Variants in BRPF3 observed in about 807,000 individuals in gnomAD.
BRPF3 encodes the protein bromodomain and PHD finger-containing protein 3.
In BRPF3, 18 loss-of-function variants were observed where a neutral mutation model predicts 102.0. The observed-to-expected ratio is 0.18, with a 90% CI of 0.12 to 0.26. The LOEUF is 0.26. BRPF3 is among the 10% of genes least tolerant of loss of function. BRPF3 has a pLI of 1.00. For missense variants in BRPF3, 1,147 were observed against 1,567.8 expected, an observed-to-expected ratio of 0.73 and a Z score of 4.53; for synonymous variants, 570 against 614.2, an observed-to-expected ratio of 0.93 and a Z score of 1.06.
In BRPF3 at chr6:36,225,274, C is replaced by G; in HGVS notation, c.3189C>G (p.Ser1063Arg). Residue 1063 changes from serine (S) to arginine (R), a missense_variant, in exon 11 of 13, where the codon AGC becomes AGG. Ser to Arg is a moderately radical substitution (Grantham distance 110, BLOSUM62 -1). This residue lies in a region of BRPF3 where 379 missense variants were observed against 426.3 expected (regional missense o/e 0.89). Transcript: ENST00000357641. ...GDSDYNGSGRSLLLPFEDRGD... is the reference protein window; with the variant it reads ...GDSDYNGSGRRLLLPFEDRGD... Reference sequence around the variant, plus strand: ...CCCCTCCCCCACCCCCAGGCAGAAGCCTCCTGCTGCCCTTTGAAGACCGCG... The same window carrying G: ...CCCCTCCCCCACCCCCAGGCAGAAGGCTCCTGCTGCCCTTTGAAGACCGCG... The G allele has an allele frequency of 6.2e-7, 1 of 1,607,754 alleles. No individual in the cohort carries two copies. The highest frequency in any genetic ancestry group is 8.5e-7 in the Non-Finnish European group (1 of 1,179,840).
At chr6:36,228,169 T>C (rs1476876116) in intron 11 of BRPF3, among the ~76,000 whole-genome samples, 1 of 152,248 alleles carries the variant, frequency 6.6e-6, no homozygotes, top group Non-Finnish European at 1.5e-5. Context: ...TTAGCAGACT[T>C]CTCAGCATCA....
At chr6:36,217,791 A>C in intron 8 of BRPF3, 126 bp from the exon 9 acceptor site, 2 of 673,232 alleles carry the variant, frequency 3.0e-6, no homozygotes, top group Non-Finnish European at 5.1e-6. Context: ...CCCATTTCTC[A>C]CAGGGAAAGG....
intron 8 of BRPF3, among the ~76,000 whole-genome samples, chr6:36,217,475 G>T (rs1156987819): frequency 6.6e-6 from 1 of 152,226 alleles, no homozygotes; most frequent in East Asian, 1.9e-4. Context: ...TGATGCATAG[G>T]TTATGTGAGT....
In BRPF3 at chr6:36,222,349, C is replaced by T. The variant is rs550001765; in HGVS notation, c.3181+84C>T. 3.5e-5 allele frequency: 46 copies of T among 1,305,668 alleles called. No individual in the cohort carries two copies. In the African/African-American group the frequency reaches 4.6e-4, roughly 13 times the overall value. 80.9% of individuals were successfully genotyped at this position (1,305,668 alleles called of 1,614,324 possible). A position where few individuals can be genotyped will look rare whatever the true frequency, so the allele number is the denominator to read the frequency against. On this transcript the variant is annotated intron_variant, in intron 10 of 12. Coordinates refer to ENST00000357641, the MANE Select transcript of BRPF3 (RefSeq NM_015695.3). Reference sequence around the variant, plus strand: ...TCAGGCTGCTGCACTGCTGGGGCTCCGTACCAGGCAGCCAGTCCTTGAGCT... The same window carrying T: ...TCAGGCTGCTGCACTGCTGGGGCTCTGTACCAGGCAGCCAGTCCTTGAGCT...
chr6:36,213,467 G>A (rs1366572138), intron 7 of BRPF3, among the ~76,000 whole-genome samples: 1 of 152,118 alleles, frequency 6.6e-6, no homozygotes, highest in African/African-American at 2.4e-5. Context: ...GCAGAGGCAG[G>A]GGGATTGTTT....
chr6:36,219,646 C>G (rs377082606), intron 9 of BRPF3, among the ~76,000 whole-genome samples: 44 of 152,236 alleles, frequency 2.9e-4, no homozygotes, highest in African/African-American at 1.0e-3. Context: ...AGTGCAATGC[C>G]CTTGATTTAT....
chr6:36,197,468 C>T (rs1767542000), intron 1 of BRPF3: 1 of 152,282 alleles, frequency 6.6e-6, no homozygotes, highest in Admixed American at 6.5e-5. Flanking sequence ...CTCCTTTCTT[C>T]TCCGAGGGGT....
chr6:36,200,740 T>C lies in BRPF3; in HGVS notation c.418T>C (p.Tyr140His). 2 of 1,614,096 alleles carry C rather than the reference T, an allele frequency of 1.2e-6. No homozygotes were observed. Among genetic ancestry groups the C allele is most frequent in the Non-Finnish European group, 1.7e-6 (2 of 1,180,020 alleles). Residue 140 changes from tyrosine (Y) to histidine (H), a missense_variant, in exon 2 of 13, where the codon TAC becomes CAC. By Grantham distance (83) the Tyr-to-His change is moderately conservative. Transcript: ENST00000357641. This position sits in a 1 kb window ranked among gnomAD's most constrained non-coding sequence, Gnocchi z 5.3. Reference sequence around the variant, plus strand: ...CCCGCTGCCTGCTGCCTACTACCGCTACATTGAGAAGCCACCTGAAGACCT... The same window carrying C: ...CCCGCTGCCTGCTGCCTACTACCGCCACATTGAGAAGCCACCTGAAGACCT... The part of the protein sequence containing the change: ...APPLPAAYYR[Y>H]IEKPPEDLDA...
At position 36,225,383 on chromosome 6, in the gene BRPF3, C is replaced by A. The variant is rs370318664; in HGVS notation, c.3279+19C>A. The A allele has an allele frequency of 7.2e-5, 115 of 1,601,046 alleles. No individual in the cohort carries two copies. Among genetic ancestry groups the A allele is most frequent in the Non-Finnish European group, 9.5e-5 (112 of 1,174,376 alleles). On this transcript the variant is annotated intron_variant, in intron 11 of 12. Transcript: ENST00000357641. Reference sequence around the variant, plus strand: ...TGCCTTGGTGAGTCTGCCCCAGACGCCACCCTCCTATCTCCCCTGCCTTGC... The same window carrying A: ...TGCCTTGGTGAGTCTGCCCCAGACGACACCCTCCTATCTCCCCTGCCTTGC...
intron 3 of BRPF3, among the ~76,000 whole-genome samples, 186 bp downstream of exon 3, chr6:36,205,000 G>A (rs1011383988): frequency 5.3e-5 from 8 of 152,182 alleles, no homozygotes; most frequent in South Asian, 2.1e-4. Context: ...CCTTCTGGAT[G>A]GATGAGGCTT....
chr6:36,218,706 GC>G (rs1194255670), intron 9 of BRPF3, among the ~76,000 whole-genome samples: 9 of 152,076 alleles, frequency 5.9e-5, no homozygotes, highest in African/African-American at 2.2e-4. Context: ...TGATCTGCCC[GC>G]CGCAGCATCC....
rs1767510566 is a variant in BRPF3 at position 36,196,915 on chromosome 6, G to T, written c.-82G>T. The T allele has an allele frequency of 6.6e-6, 1 of 151,540 alleles. No homozygotes were observed. Among genetic ancestry groups the T allele is most frequent in the Admixed American group, 6.6e-5 (1 of 15,196 alleles). The allele number at this position is 151,540 out of a possible 1,614,324, so 9.4% of individuals were successfully genotyped here. A position where few individuals can be genotyped will look rare whatever the true frequency, so the allele number is the denominator to read the frequency against. On this transcript the variant is annotated 5_prime_UTR_variant, in exon 1 of 13. Transcript: ENST00000357641. The stretch of plus-strand genomic sequence containing the variant: ...CCCGGGCCGCGCCGACCTGCTCGGC[G>T]GCCTGCCCGCCCGCGCCCAGGGGCC...
intron 2 of BRPF3, among the ~76,000 whole-genome samples, chr6:36,202,418 C>T (rs370129187): frequency 1.4e-5 from 2 of 141,756 alleles, no homozygotes; most frequent in Non-Finnish European, 3.1e-5. Context: ...GGACCCCCCC[C>T]CCCTCCGCCC....
chr6:36,228,968 C>G lies in BRPF3; in HGVS notation c.3346C>G (p.Leu1116Val). ...TGGCGTTCCCATCCCTGTCCCCCCG[C>G]TGGACGTGCTGAAGCTGGGAGAGCA... Reference protein sequence around the residue: ...HNGVPIPVPPLDVLKLGEQKQ... With the variant: ...HNGVPIPVPPVDVLKLGEQKQ... The change falls in exon 12 of 13, where the codon CTG becomes GTG. Residue 1116 changes from leucine to valine, a missense_variant. Leu to Val is a conservative substitution (Grantham distance 32). This residue lies in a region of BRPF3 where 85 missense variants were observed against 172.9 expected (regional missense o/e 0.49). Transcript: ENST00000357641. 1 of 1,614,242 alleles carries G rather than the reference C, an allele frequency of 6.2e-7. No individual in the cohort carries two copies. Among genetic ancestry groups the G allele is most frequent in the Non-Finnish European group, 8.5e-7 (1 of 1,180,038 alleles).
At chr6:36,228,836 C>G in intron 11 of BRPF3, 66 bp from the exon 12 acceptor site, 2 of 1,583,074 alleles carry the variant, frequency 1.3e-6, no homozygotes, top group Non-Finnish European at 1.7e-6. Context: ...GCAGTTGGTC[C>G]TGCAGCAGGG....
Position 36,200,339 on chromosome 6 carries a change from G to T in BRPF3, c.17G>T (p.Arg6Leu), listed in dbSNP as rs748953638. ...CCAGGTGCCATGAGGAAGCCTCGTC[G>T]GAAGTCCCGGCAGAATGCCGAGGGC... MRKPR[R>L]KSRQNAEGRR... Residue 6 changes from arginine (R) to leucine (L), a missense_variant, in exon 2 of 13, where the codon CGG becomes CTG. Physicochemically the swap from Arg to Leu is moderately radical, Grantham distance 102. Transcript: ENST00000357641. This position sits in a 1 kb window ranked among gnomAD's most constrained non-coding sequence, Gnocchi z 5.3. 1.9e-6 allele frequency: 3 copies of T among 1,613,732 alleles called. No homozygotes were observed. The highest frequency in any genetic ancestry group is 2.5e-6 in the Non-Finnish European group (3 of 1,179,712).
In BRPF3 at chr6:36,208,905, T is replaced by TG. The variant is rs1767998541; in HGVS notation, c.1738-881dup. On this transcript the variant is annotated intron_variant, in intron 4 of 12. Coordinates refer to ENST00000357641, the MANE Select transcript of BRPF3 (RefSeq NM_015695.3). Reference sequence around the variant, plus strand: ...TAAGTATATGAAGCTACTTGCCACTTGCGGGGGCAAGCCTGGAGGCCCTGG... The same window carrying TG: ...TAAGTATATGAAGCTACTTGCCACTTGGCGGGGGCAAGCCTGGAGGCCCTGG... Among the ~76,000 whole-genome samples the TG allele has an allele frequency of 3.9e-5, 6 of 152,346 alleles. No homozygotes were observed. In the South Asian group the frequency reaches 1.2e-3, roughly 32 times the overall value.
At chr6:36,224,116 C>T (rs1277720729) in intron 10 of BRPF3, among the ~76,000 whole-genome samples, 1 of 152,184 alleles carries the variant, frequency 6.6e-6, no homozygotes, top group Non-Finnish European at 1.5e-5. Flanking sequence ...AATTCCAGCA[C>T]TTTGGGAAGC....
At position 36,219,314 on chromosome 6, in the gene BRPF3, G is replaced by A. The variant is rs144996515; in HGVS notation, c.3083+1304G>A. On this transcript the variant is annotated intron_variant, in intron 9 of 12. Coordinates refer to ENST00000357641, the MANE Select transcript of BRPF3 (RefSeq NM_015695.3). ...TATTGCAGCCTCCAGAGATATAGGGGAAGTAGATGGGAAAAAATTATCAGG... is the reference window on the plus strand; with the variant it reads ...TATTGCAGCCTCCAGAGATATAGGGAAAGTAGATGGGAAAAAATTATCAGG... Among the ~76,000 whole-genome samples the A allele has an allele frequency of 7.2e-5, 11 of 152,240 alleles. No individual in the cohort carries two copies. In the East Asian group the frequency reaches 1.5e-3, roughly 21 times the overall value.
Sources: gnomAD v4.1 joint callset for allele counts (sites outside exome capture counted in the v4.1 genomes callset) on GRCh38, gnomAD v4.1.1 for gene constraint, gnomAD v4.1.1 regional missense constraint, Gnocchi (gnomAD v3.1) non-coding constraint, MANE v1.5 for transcripts, NCBI Gene and HGNC (gene_info 2026-07-23, HGNC 2026-07-21) for gene names.